The following APBB2 variants were observed in gnomAD, a reference collection of about 807,000 sequenced individuals.
The protein encoded by APBB2 is amyloid beta precursor protein binding family B member 2.
APBB2 carries 38 observed loss-of-function variants against 82.5 expected under a neutral mutation model. That is an observed-to-expected ratio of 0.46 (90% CI 0.36 to 0.60). The LOEUF (loss-of-function observed/expected upper bound fraction) is 0.60, where lower values mean the gene tolerates loss of function less well. Among genes scored for constraint, APBB2 ranks in the 20% least tolerant of loss-of-function variants. APBB2 has a pLI of 0.00. For missense variants in APBB2, 772 were observed against 972.3 expected, an observed-to-expected ratio of 0.79 and a Z score of 2.74; for synonymous variants, 341 against 368.2, an observed-to-expected ratio of 0.93 and a Z score of 0.85.
rs759921390 is a variant in APBB2 at position 40,934,538 on chromosome 4, T to A, written c.1194-22A>T. The A allele has an allele frequency of 8.7e-6, 14 of 1,613,740 alleles. No individual in the cohort carries two copies. The South Asian group carries it at 1.2e-4, about 14-fold the overall frequency. On this transcript the variant is annotated intron_variant, in intron 9 of 17. Transcript: ENST00000508593. ...ATTTCTAGGCAGAAAAACAGAAAAG[T>A]GGACTTAGAATTCTATTGCAAACTA...
intron 1 of APBB2, among the ~76,000 whole-genome samples, chr4:41,160,082 T>C (rs1294022337): frequency 1.3e-5 from 2 of 149,548 alleles, no homozygotes; most frequent in Non-Finnish European, 3.0e-5. Context: ...AAACAATGCT[T>C]TTGGGAAAAC....
chr4:41,169,857 GT>G (rs33935741), intron 1 of APBB2, among the ~76,000 whole-genome samples: 63,358 of 149,348 alleles, frequency 0.42, 14,937 homozygotes, highest in African/African-American at 0.66. Context: ...ATTACTGTAG[GT>G]TTTTTTTTTT....
intron 3 of APBB2, among the ~76,000 whole-genome samples, chr4:41,081,817 A>G (rs1206578942): frequency 6.6e-6 from 1 of 152,260 alleles, no homozygotes; most frequent in African/African-American, 2.4e-5. Flanking sequence ...TTAAAATTGC[A>G]TTGATCATAG....
chr4:40,901,194 A>C (rs1775176374), intron 10 of APBB2, among the ~76,000 whole-genome samples: 1 of 152,208 alleles, frequency 6.6e-6, no homozygotes, highest in South Asian at 2.1e-4. Context: ...TGAGGATAAC[A>C]GGATGGACCT....
At chr4:40,880,988 G>A (rs765321212) in intron 12 of APBB2, 43 of 985,234 alleles carry the variant, frequency 4.4e-5, no homozygotes, top group Non-Finnish European at 4.9e-5. Context: ...TTCCTCTAAG[G>A]GAAACTGTTC....
rs1553930075 is a variant in APBB2 at position 40,832,013 on chromosome 4, T to TAC, written c.1530-1438_1530-1437dup. 6.6e-3 allele frequency among the ~76,000 whole-genome samples: 917 copies of TAC among 138,964 alleles called. 6 individuals carry two copies. The highest frequency in any genetic ancestry group is 0.013 in the African/African-American group (490 of 37,128). The allele number at this position is 138,964 out of a possible 152,430, so 91.2% of individuals were successfully genotyped here. On this transcript the variant is annotated intron_variant, in intron 12 of 17. Coordinates refer to ENST00000508593, the MANE Select transcript of APBB2 (RefSeq NM_004307.2). This position sits in a 1 kb window ranked among gnomAD's most constrained non-coding sequence, Gnocchi z 4.8. The stretch of plus-strand genomic sequence containing the variant: ...ACACATATTTATATATTTATTTATA[T>TAC]ACACACACACACACACACACACACA...
intron 1 of APBB2, among the ~76,000 whole-genome samples, chr4:41,198,727 C>G (rs1775959193): frequency 6.6e-6 from 1 of 152,200 alleles, no homozygotes; most frequent in Non-Finnish European, 1.5e-5. Flanking sequence ...GTTCTAGAAG[C>G]TAGAAGTCTG....
intron 2 of APBB2, among the ~76,000 whole-genome samples, chr4:41,114,499 C>G (rs1750285558): frequency 6.6e-6 from 1 of 151,936 alleles, no homozygotes; most frequent in Non-Finnish European, 1.5e-5. Context: ...AAGAAATAAA[C>G]AGTATTCAAA....
At chr4:40,849,293 A>G (rs1185868782) in intron 12 of APBB2, among the ~76,000 whole-genome samples, 2 of 152,214 alleles carry the variant, frequency 1.3e-5, no homozygotes, top group Non-Finnish European at 2.9e-5. Context: ...TTAATCTCTT[A>G]TGACTCTATT....
rs967193012 is a variant in APBB2 at position 41,061,540 on chromosome 4, A to T, written c.-51+4036T>A. On this transcript the variant is annotated intron_variant, in intron 4 of 17. Transcript: ENST00000508593. Reference sequence around the variant, plus strand: ...TATTTGGGCACCTAAACATATCTAAACATAGAAAAGGTACAGGAGAAATAG... The same window carrying T: ...TATTTGGGCACCTAAACATATCTAATCATAGAAAAGGTACAGGAGAAATAG... Among the ~76,000 whole-genome samples the T allele has an allele frequency of 3.3e-5, 5 of 152,254 alleles. 1 individual carries two copies. Among genetic ancestry groups the T allele is most frequent in the Admixed American group, 3.3e-4 (5 of 15,290 alleles).
rs986313597 is a variant in APBB2, at chr4:40,817,708, G to A, written c.2113-1449C>T. Among the ~76,000 whole-genome samples, 4 of 151,998 alleles carry A rather than the reference G, an allele frequency of 2.6e-5. No individual in the cohort carries two copies. In the East Asian group the frequency reaches 5.8e-4, roughly 22 times the overall value. The stretch of plus-strand genomic sequence containing the variant: ...AAAAAATCAACTTAAATATTAACAG[G>A]CTCTTTAGTAATGGAATAGGCTGAT... On this transcript the variant is annotated intron_variant, in intron 17 of 17. Transcript: ENST00000508593.
chr4:40,918,248 T>C lies in APBB2; in HGVS notation c.1254+16208A>G, dbSNP rs548739188. ...CCCACACTGGCTAGTACACAGTTAC[T>C]GAGCACTGGCCAAGCTCATCTCTAC... On this transcript the variant is annotated intron_variant, in intron 10 of 17. Coordinates refer to ENST00000508593, the MANE Select transcript of APBB2 (RefSeq NM_004307.2). 3.3e-5 allele frequency among the ~76,000 whole-genome samples: 5 copies of C among 152,336 alleles called. No homozygotes were observed. In the East Asian group the frequency reaches 7.7e-4, roughly 23 times the overall value.
At chr4:40,828,946 GC>G (rs1278571977) in intron 13 of APBB2, among the ~76,000 whole-genome samples, 1 of 152,216 alleles carries the variant, frequency 6.6e-6, no homozygotes, top group Non-Finnish European at 1.5e-5. Flanking sequence ...CCAACTCCTG[GC>G]CTGGGTTGGG....
intron 5 of APBB2, among the ~76,000 whole-genome samples, chr4:41,018,559 T>C (rs1440957901): frequency 6.6e-6 from 1 of 152,128 alleles, no homozygotes; most frequent in Non-Finnish European, 1.5e-5. Flanking sequence ...GCAGGAGGAA[T>C]GAATGGAAGG....
intron 10 of APBB2, among the ~76,000 whole-genome samples, chr4:40,918,106 T>C (rs189515336): frequency 2.2e-4 from 34 of 152,344 alleles, no homozygotes; most frequent in Admixed American, 1.4e-3. Flanking sequence ...GAACACAATA[T>C]TATGAATATT....
intron 12 of APBB2, among the ~76,000 whole-genome samples, chr4:40,839,089 T>C (rs1754978492): frequency 6.6e-6 from 1 of 152,134 alleles, no homozygotes; most frequent in Admixed American, 6.5e-5. Context: ...TTTCACTTTA[T>C]TATTTTGAGA....
intron 6 of APBB2, among the ~76,000 whole-genome samples, chr4:40,995,768 T>TA (rs1396672494): frequency 6.6e-6 from 1 of 151,954 alleles, no homozygotes; most frequent in African/African-American, 2.4e-5. Flanking sequence ...ATCCTAGACT[T>TA]AAGTAATCCT....
At chr4:41,118,052 A>AC (rs1393019765) in intron 2 of APBB2, 4 of 141,718 alleles carry the variant, frequency 2.8e-5, no homozygotes, top group South Asian at 4.5e-4. Flanking sequence ...ACAAAACAAA[A>AC]CAAAAAAAAA....
chr4:41,214,141 C>T (rs113565593), intron 1 of APBB2, among the ~76,000 whole-genome samples: 31,000 of 152,186 alleles, frequency 0.2, 3,591 homozygotes, highest in East Asian at 0.36. Context: ...GTCGCCGTGC[C>T]ACTGGCCCTG....
Sources: gnomAD v4.1 joint callset for allele counts (sites outside exome capture counted in the v4.1 genomes callset) on GRCh38, gnomAD v4.1.1 for gene constraint, Gnocchi (gnomAD v3.1) non-coding constraint, MANE v1.5 for transcripts, NCBI Gene and HGNC (gene_info 2026-07-23, HGNC 2026-07-21) for gene names.